UBE2L6: variants seen among roughly 807,000 people sequenced by gnomAD.
UBE2L6 encodes ubiquitin conjugating enzyme E2 L6.
In UBE2L6, 11 loss-of-function variants were observed where a neutral mutation model predicts 13.6. That is an observed-to-expected ratio of 0.81 (90% CI 0.51 to 1.34). UBE2L6 has a LOEUF of 1.34. Among genes scored for constraint, UBE2L6 ranks in the 40% most tolerant of loss-of-function variants. The probability of loss-of-function intolerance (pLI) is 0.00; values close to 1 mark genes in which losing one functional copy is unlikely to be tolerated. For missense variants in UBE2L6, 197 were observed against 199.5 expected, an observed-to-expected ratio of 0.99 and a Z score of 0.07; for synonymous variants, 74 against 83.2, an observed-to-expected ratio of 0.89 and a Z score of 0.60.
At chr11:57,561,355 C>G (rs1421120660) in intron 1 of UBE2L6, among the ~76,000 whole-genome samples, 1 of 152,154 alleles carries the variant, frequency 6.6e-6, no homozygotes, top group Admixed American at 6.5e-5. Context: ...CTGAATTCTC[C>G]CAACAGCCAT....
intron 2 of UBE2L6, among the ~76,000 whole-genome samples, chr11:57,558,815 C>T (rs1278220432): frequency 6.6e-6 from 1 of 152,218 alleles, no homozygotes; most frequent in African/African-American, 2.4e-5. Context: ...TCAACCATCC[C>T]CTCCTTTATG....
intron 2 of UBE2L6, among the ~76,000 whole-genome samples, chr11:57,557,646 G>T (rs192017615): frequency 6.6e-6 from 1 of 152,000 alleles, no homozygotes; most frequent in Non-Finnish European, 1.5e-5. Context: ...CGCCCTCCTC[G>T]GCCTCCCAAA....
At chr11:57,563,907 T>C (rs1381524443) in intron 1 of UBE2L6, among the ~76,000 whole-genome samples, 4 of 149,784 alleles carry the variant, frequency 2.7e-5, no homozygotes, top group African/African-American at 4.9e-5. Flanking sequence ...GTCTCAAAAA[T>C]AAAAAAAAAG....
intron 1 of UBE2L6, among the ~76,000 whole-genome samples, chr11:57,561,830 T>TA (rs2135280103): frequency 6.6e-6 from 1 of 152,252 alleles, no homozygotes; most frequent in East Asian, 1.9e-4. Flanking sequence ...GCCCCTCTTT[T>TA]AGAGTCCATC....
chr11:57,567,798 C>T (rs1945106107), upstream of UBE2L6: 1 of 578,204 alleles, frequency 1.7e-6, no homozygotes, highest in Non-Finnish European at 2.8e-6. Context: ...AAGGACGACC[C>T]GCCGGACAAC....
chr11:57,556,058 T>G (rs1321230893), intron 2 of UBE2L6, among the ~76,000 whole-genome samples: 1 of 152,138 alleles, frequency 6.6e-6, no homozygotes, highest in South Asian at 2.1e-4. Context: ...CTGAACACTT[T>G]TCTGAGCACC....
intron 1 of UBE2L6, among the ~76,000 whole-genome samples, chr11:57,560,906 T>C (rs1005494227): frequency 6.6e-5 from 10 of 152,234 alleles, no homozygotes; most frequent in Middle Eastern, 3.4e-3. Context: ...AGACGTGAGC[T>C]ACCGCGCCCA....
chr11:57,566,943 G>GCCCACC, intron 1 of UBE2L6: 1 of 75,880 alleles, frequency 1.3e-5, no homozygotes, highest in Non-Finnish European at 2.7e-5. Flanking sequence ...GTTCATCTCT[G>GCCCACC]CCCGCCCCCC....
chr11:57,566,165 C>G (rs1007073073), intron 1 of UBE2L6, among the ~76,000 whole-genome samples: 1 of 152,148 alleles, frequency 6.6e-6, no homozygotes, highest in Non-Finnish European at 1.5e-5. Flanking sequence ...TAGACATTTT[C>G]CAGGTCTTGG....
intron 1 of UBE2L6, chr11:57,567,140 G>A (rs1046921602): frequency 2.2e-5 from 10 of 461,048 alleles, no homozygotes; most frequent in Non-Finnish European, 3.5e-5. Flanking sequence ...AGTAATACAG[G>A]CATCAAATTA....
At chr11:57,560,621 TTC>T in intron 1 of UBE2L6, 189 bp from the exon 2 acceptor site, 2 of 509,124 alleles carry the variant, frequency 3.9e-6, no homozygotes, top group East Asian at 3.4e-5. Flanking sequence ...TTTTTCTTTT[TTC>T]TTTTTTTTTT....
intron 2 of UBE2L6, among the ~76,000 whole-genome samples, chr11:57,557,318 C>T (rs188533897): frequency 2.3e-4 from 35 of 151,902 alleles, no homozygotes; most frequent in African/African-American, 8.5e-4. Context: ...GATCTGTACA[C>T]GTGGCTCCCC....
intron 2 of UBE2L6, among the ~76,000 whole-genome samples, chr11:57,559,239 C>G (rs1295118027): frequency 6.6e-6 from 1 of 152,196 alleles, no homozygotes; most frequent in Non-Finnish European, 1.5e-5. Context: ...TGACCTGACT[C>G]AGGCCTTTCT....
chr11:57,567,647 C>T lies in UBE2L6; in HGVS notation c.-36G>A, dbSNP rs367788969. ...AGTGTGTGGCACCCGTGGCCTCCAG[C>T]AGGACCGAGCTCCGACCCGCGACAC... On this transcript the variant is annotated 5_prime_UTR_variant, in exon 1 of 4. Transcript: ENST00000287156. The T allele has an allele frequency of 1.6e-5, 25 of 1,597,442 alleles. No homozygotes were observed. The highest frequency in any genetic ancestry group is 2.0e-5 in the Non-Finnish European group (24 of 1,172,956).
intron 2 of UBE2L6, among the ~76,000 whole-genome samples, chr11:57,557,395 CT>C (rs35413834): frequency 3.0e-3 from 395 of 131,676 alleles, no homozygotes; most frequent in Non-Finnish European, 4.3e-3. Flanking sequence ...TGCCATGCTT[CT>C]TTTTTTTTTT....
chr11:57,560,336 C>T lies in UBE2L6; in HGVS notation c.123+1G>A, dbSNP rs772329297. On this transcript the variant is annotated splice_donor_variant, in intron 2 of 3. Transcript: ENST00000287156. LOFTEE classifies it high-confidence loss of function. ...AAGCCATGGTCCCCATGGATACTCA[C>T]GGGTAGGAGGAGAGCGTGCCACACC... 12 of 1,613,088 alleles carry T rather than the reference C, an allele frequency of 7.4e-6. No individual in the cohort carries two copies. The highest frequency in any genetic ancestry group is 9.3e-6 in the Non-Finnish European group (11 of 1,179,212).
rs547705855 is a variant in UBE2L6 at position 57,560,321 on chromosome 11, C to A, written c.123+16G>T. 1.2e-6 allele frequency: 2 copies of A among 1,601,978 alleles called. No individual in the cohort carries two copies. The highest frequency in any genetic ancestry group is 4.5e-5 in the East Asian group (2 of 44,814). On this transcript the variant is annotated intron_variant, in intron 2 of 3. Coordinates refer to ENST00000287156, the MANE Select transcript of UBE2L6 (RefSeq NM_004223.5). The stretch of plus-strand genomic sequence containing the variant: ...TTTGGCCCCAATCCAAAGCCATGGT[C>A]CCCATGGATACTCACGGGTAGGAGG...
At chr11:57,567,342 G>A in intron 1 of UBE2L6, 1 of 605,456 alleles carries the variant, frequency 1.7e-6, no homozygotes, top group Non-Finnish European at 2.9e-6. Flanking sequence ...TGGGGGAGCC[G>A]GCTCATCTTC....
At chr11:57,560,564 C>T in intron 1 of UBE2L6, 132 bp from the exon 2 acceptor site, 1 of 657,078 alleles carries the variant, frequency 1.5e-6, no homozygotes. Context: ...AAAGTCAGAG[C>T]CTACATTTAC....
Sources: allele counts gnomAD v4.1 joint callset (sites outside exome capture counted in the v4.1 genomes callset), GRCh38; gene constraint gnomAD v4.1.1; transcripts MANE v1.5; gene names NCBI Gene and HGNC (gene_info 2026-07-23, HGNC 2026-07-21).